Variants in DCN observed in about 807,000 individuals in gnomAD.
DCN encodes the protein bone proteoglycan II.
DCN carries 17 observed loss-of-function variants against 36.5 expected under a neutral mutation model. That is an observed-to-expected ratio of 0.47 (90% CI 0.32 to 0.70). DCN has a LOEUF of 0.70. Ranked by LOEUF, DCN falls within the 30% of genes least tolerant of loss-of-function variation. The probability of loss-of-function intolerance (pLI) is 0.04; values close to 1 mark genes in which losing one functional copy is unlikely to be tolerated. For synonymous variants in DCN, 163 were observed against 161.4 expected (o/e 1.01, Z -0.07); for missense variants, 389 against 430.1 (o/e 0.90, Z 0.84).
chr12:91,155,015 T>G (rs1881668770), intron 5 of DCN, among the ~76,000 whole-genome samples: 1 of 152,116 alleles, frequency 6.6e-6, no homozygotes, highest in Non-Finnish European at 1.5e-5. Context: ...CCATGAGTGA[T>G]GGGAGAAAAT....
chr12:91,180,487 G>A (rs931850859), intron 1 of DCN: 1 of 152,148 alleles, frequency 6.6e-6, no homozygotes, highest in African/African-American at 2.4e-5. Context: ...AGATTCTCTA[G>A]AGAAGAAACA....
In DCN at chr12:91,145,939, T is replaced by A. The variant is rs1880980096; in HGVS notation, c.*119A>T. Reference sequence around the variant, plus strand: ...GAAATTTGGCTTTATGCATAATAAGTCATGTGGGTAAAACATCCACATTGC... The same window carrying A: ...GAAATTTGGCTTTATGCATAATAAGACATGTGGGTAAAACATCCACATTGC... On this transcript the variant is annotated 3_prime_UTR_variant, in exon 8 of 8. Coordinates refer to ENST00000052754, the MANE Select transcript of DCN (RefSeq NM_001920.5). 1.1e-4 allele frequency: 99 copies of A among 886,180 alleles called. 2 individuals carry two copies. The South Asian group carries it at 1.4e-3, about 12-fold the overall frequency. The allele number at this position is 886,180 out of a possible 1,614,324, so 54.9% of individuals were successfully genotyped here.
intron 3 of DCN, among the ~76,000 whole-genome samples, chr12:91,162,489 G>T (rs997866744): frequency 2.0e-5 from 3 of 151,878 alleles, no homozygotes; most frequent in African/African-American, 4.8e-5. Context: ...TATATCAGAT[G>T]ATTTATATTT....
In DCN at chr12:91,144,234, C is replaced by CAAGGTTACAATAAGAAGGGTGAATCGTTA. The variant is rs1880883362; in HGVS notation, c.*1795_*1823dup. Reference sequence around the variant, plus strand: ...GCTACACCATAAAGGGTGAATCATTCAAGGTTACAATAAGAAGGGTGAATC... The same window carrying CAAGGTTACAATAAGAAGGGTGAATCGTTA: ...GCTACACCATAAAGGGTGAATCATTCAAGGTTACAATAAGAAGGGTGAATCGTTAAAGGTTACAATAAGAAGGGTGAATC... On this transcript the variant is annotated 3_prime_UTR_variant, in exon 8 of 8. Transcript: ENST00000052754. The CAAGGTTACAATAAGAAGGGTGAATCGTTA allele has an allele frequency of 6.6e-6, 1 of 152,046 alleles. No homozygotes were observed. Among genetic ancestry groups the CAAGGTTACAATAAGAAGGGTGAATCGTTA allele is most frequent in the Non-Finnish European group, 1.5e-5 (1 of 68,006 alleles). 9.4% of individuals were successfully genotyped at this position (152,046 alleles called of 1,614,324 possible).
chr12:91,173,564 G>A (rs1260385499), intron 2 of DCN, among the ~76,000 whole-genome samples: 1 of 152,126 alleles, frequency 6.6e-6, no homozygotes, highest in Non-Finnish European at 1.5e-5. Context: ...AGGCAATCCA[G>A]TGGTCATACT....
At chr12:91,168,045 A>G (rs1333728342) in intron 2 of DCN, among the ~76,000 whole-genome samples, 3 of 151,916 alleles carry the variant, frequency 2.0e-5, no homozygotes, top group African/African-American at 7.3e-5. Context: ...GTTAGCCAGG[A>G]TGGTCTCGAT....
chr12:91,157,040 A>G (rs1441728824), intron 5 of DCN, 35 bp downstream of exon 5: 2 of 1,458,118 alleles, frequency 1.4e-6, no homozygotes, highest in Non-Finnish European at 9.6e-7. Flanking sequence ...TTTGAATTTA[A>G]ATTTTTCAAA....
At chr12:91,159,190 G>A (rs576797860) in intron 3 of DCN, among the ~76,000 whole-genome samples, 18 of 152,084 alleles carry the variant, frequency 1.2e-4, no homozygotes, top group African/African-American at 1.9e-4. Context: ...CATCCATCCC[G>A]CAGTCAGCTT....
chr12:91,149,653 T>A (rs1881279519), intron 7 of DCN, among the ~76,000 whole-genome samples: 1 of 152,120 alleles, frequency 6.6e-6, no homozygotes, highest in Non-Finnish European at 1.5e-5. Context: ...ATAAAATAAC[T>A]AAAGCTGTCT....
At chr12:91,166,866 C>A (rs1882605560) in intron 2 of DCN, among the ~76,000 whole-genome samples, 1 of 152,044 alleles carries the variant, frequency 6.6e-6, no homozygotes, top group Non-Finnish European at 1.5e-5. Flanking sequence ...AGTTCTACAA[C>A]CTGCTCTGAA....
At chr12:91,177,540 C>T (rs775985574) in intron 2 of DCN, 1 of 701,576 alleles carries the variant, frequency 1.4e-6, no homozygotes, top group African/African-American at 1.7e-5. Context: ...GAGTTCATTC[C>T]CCTTTGGCCC....
At chr12:91,167,472 GACACAC>G (rs34663648) in intron 2 of DCN, among the ~76,000 whole-genome samples, 3 of 145,122 alleles carry the variant, frequency 2.1e-5, no homozygotes, top group Admixed American at 1.4e-4. Flanking sequence ...CAGACAGACA[GACACAC>G]ACACACACAC....
intron 3 of DCN, among the ~76,000 whole-genome samples, chr12:91,164,400 C>CAAAAAAA (rs5799980): frequency 2.7e-4 from 21 of 78,890 alleles, no homozygotes; most frequent in East Asian, 1.1e-3. Flanking sequence ...AAGCATAATT[C>CAAAAAAA]AAAAAAAAAA....
chr12:91,178,317 TA>T, intron 2 of DCN, 24 bp downstream of exon 2: 1 of 1,594,174 alleles, frequency 6.3e-7, no homozygotes, highest in Non-Finnish European at 8.6e-7. Context: ...GTAAGGTAGG[TA>T]AAGAGAAACT....
At chr12:91,173,058 G>C (rs887302704) in intron 2 of DCN, among the ~76,000 whole-genome samples, 1 of 152,044 alleles carries the variant, frequency 6.6e-6, no homozygotes, top group East Asian at 1.9e-4. Context: ...AGTCTTTACT[G>C]TTACAGTATA....
chr12:91,154,792 C>G (rs1338855407), intron 5 of DCN, among the ~76,000 whole-genome samples: 2 of 152,020 alleles, frequency 1.3e-5, no homozygotes. Context: ...CAATACAAGC[C>G]TTACTTCTAT....
At position 91,143,304 on chromosome 12, in the gene DCN, C is replaced by A. The variant is rs1445205966; in HGVS notation, c.*2754G>T. ...GTTTTAAGCCACCCAGTTTTTGGTA[C>A]TTTATTATAGCAGCTGTGAGTTCCT... On this transcript the variant is annotated 3_prime_UTR_variant, in exon 8 of 8. Coordinates refer to ENST00000052754, the MANE Select transcript of DCN (RefSeq NM_001920.5). 1 of 152,156 alleles carries A rather than the reference C, an allele frequency of 6.6e-6. No homozygotes were observed. Among genetic ancestry groups the A allele is most frequent in the African/African-American group, 2.4e-5 (1 of 41,444 alleles). 9.4% of individuals were successfully genotyped at this position (152,156 alleles called of 1,614,324 possible). A position where few individuals can be genotyped will look rare whatever the true frequency, so the allele number is the denominator to read the frequency against.
rs201463809 is a variant in DCN at position 91,148,073 on chromosome 12, C to CT, written c.886-1822dup. On this transcript the variant is annotated intron_variant, in intron 7 of 7. Transcript: ENST00000052754. ...GAATATAACACTAAGACAACAAGGT[C>CT]TTTTTTTTTTTTTTTTCTGAGACGG... Among the ~76,000 whole-genome samples, 285 of 140,638 alleles carry CT rather than the reference C, an allele frequency of 2.0e-3. 1 individual carries two copies. Among genetic ancestry groups the CT allele is most frequent in the Middle Eastern group, 3.7e-3 (1 of 268 alleles). The allele number at this position is 140,638 out of a possible 152,430, so 92.3% of individuals were successfully genotyped here. A position where few individuals can be genotyped will look rare whatever the true frequency, so the allele number is the denominator to read the frequency against.
At chr12:91,148,721 CAAAAAAAAAAAAAAAA>C (rs5799978) in intron 7 of DCN, among the ~76,000 whole-genome samples, 2 of 49,464 alleles carry the variant, frequency 4.0e-5, no homozygotes, top group Non-Finnish European at 7.8e-5. Flanking sequence ...CGCTCCGACT[CAAAAAAAAAAAAAAAA>C]AAAAAAAAAA....
Sources: gnomAD v4.1 joint callset for allele counts (sites outside exome capture counted in the v4.1 genomes callset) on GRCh38, gnomAD v4.1.1 for gene constraint, MANE v1.5 for transcripts, NCBI Gene and HGNC (gene_info 2026-07-23, HGNC 2026-07-21) for gene names.